Variants in FBXO38 observed in about 807,000 individuals in gnomAD.
FBXO38 encodes F-box only protein 38.
In FBXO38, 53 loss-of-function variants were observed where a neutral mutation model predicts 131.9. The ratio of observed to expected loss-of-function variants is 0.40; its 90% CI spans 0.32 to 0.51. The LOEUF (loss-of-function observed/expected upper bound fraction) is 0.51. Ranked by LOEUF, FBXO38 falls within the 20% of genes least tolerant of loss-of-function variation. The pLI is 0.53. For synonymous variants in FBXO38, 452 were observed against 505.6 expected (o/e 0.89, Z 1.42); for missense variants, 1,076 against 1,475.6 (o/e 0.73, Z 4.44).
rs754399218 is a variant in FBXO38, at chr5:148,427,832, G to T, written c.2538G>T (p.Arg846Ser). 1.2e-6 allele frequency: 2 copies of T among 1,603,776 alleles called. No individual in the cohort carries two copies. Among genetic ancestry groups the T allele is most frequent in the African/African-American group, 1.3e-5 (1 of 74,676 alleles). ...GSGSGATGED[R>S]RGSSQPESCD... Reference sequence around the variant, plus strand: ...GCTCTGGGGCTACAGGTGAGGACAGGAGGGGGAGCTCCCAGCCTGAGAGTT... The same window carrying T: ...GCTCTGGGGCTACAGGTGAGGACAGTAGGGGGAGCTCCCAGCCTGAGAGTT... The change falls in exon 15 of 22, where the codon AGG becomes AGT. Residue 846 changes from arginine to serine, a missense_variant. Transcript: ENST00000340253.
intron 7 of FBXO38, among the ~76,000 whole-genome samples, chr5:148,407,593 A>T (rs558982863): frequency 7.9e-4 from 117 of 147,198 alleles, no homozygotes; most frequent in African/African-American, 2.1e-3. Flanking sequence ...TAAAATTAAA[A>T]TTTTTTTTTT....
At chr5:148,395,390 A>C (rs535009218) in intron 2 of FBXO38, among the ~76,000 whole-genome samples, 55 of 152,266 alleles carry the variant, frequency 3.6e-4, no homozygotes, top group African/African-American at 1.3e-3. Context: ...CAGTGCATAC[A>C]TTAAAGTTGT....
At chr5:148,388,177 T>C (rs555422870) in intron 1 of FBXO38, among the ~76,000 whole-genome samples, 1 of 152,330 alleles carries the variant, frequency 6.6e-6, no homozygotes, top group East Asian at 1.9e-4. Context: ...AAGGAAACTT[T>C]TCTGAGCAGT....
chr5:148,412,988 C>T lies in FBXO38; in HGVS notation c.1094-1148C>T, dbSNP rs182470678. Among the ~76,000 whole-genome samples the T allele has an allele frequency of 1.9e-3, 284 of 152,138 alleles. 3 individuals are homozygous for T. Among genetic ancestry groups the T allele is most frequent in the Non-Finnish European group, 2.5e-3 (170 of 67,982 alleles). ...TCTCAAAAAACTAAATGCAAGACAT[C>T]GATTTGTCATGTTAGGTTACAGCAT... On this transcript the variant is annotated intron_variant, in intron 9 of 21. Coordinates refer to ENST00000340253, the MANE Select transcript of FBXO38 (RefSeq NM_205836.3).
At chr5:148,393,129 C>T (rs1044913456) in intron 1 of FBXO38, among the ~76,000 whole-genome samples, 17 of 150,518 alleles carry the variant, frequency 1.1e-4, no homozygotes, top group African/African-American at 3.4e-4. Flanking sequence ...ATATACCAGT[C>T]CACACACATT....
At chr5:148,429,864 A>C (rs1753932786) in intron 15 of FBXO38, among the ~76,000 whole-genome samples, 1 of 152,090 alleles carries the variant, frequency 6.6e-6, no homozygotes, top group South Asian at 2.1e-4. Context: ...TCTTAAGTTA[A>C]ATCATTCTCT....
At chr5:148,410,930 AT>A (rs958234278) in intron 9 of FBXO38, 165 bp downstream of exon 9, 45 of 608,716 alleles carry the variant, frequency 7.4e-5, no homozygotes, top group Non-Finnish European at 9.2e-5. Context: ...AATGTCAGTG[AT>A]TTTTTTTTCC....
intron 12 of FBXO38, among the ~76,000 whole-genome samples, chr5:148,418,712 A>C (rs1359956651): frequency 6.6e-6 from 1 of 152,214 alleles, no homozygotes; most frequent in Non-Finnish European, 1.5e-5. Flanking sequence ...AGCAGCTGCC[A>C]TTCAGAACTA....
In FBXO38 at chr5:148,415,836, G is replaced by C. The variant is rs1259864997; in HGVS notation, c.1265-92G>C. 2.3e-6 allele frequency: 3 copies of C among 1,317,836 alleles called. No homozygotes were observed. In the East Asian group the frequency reaches 7.0e-5, roughly 31 times the overall value. 81.6% of individuals were successfully genotyped at this position (1,317,836 alleles called of 1,614,324 possible). ...AAGGAAAAGTTATTTTAAAAAAAAGGATTTGAAAGTCTTTGTGACCTGTAT... is the reference window on the plus strand; with the variant it reads ...AAGGAAAAGTTATTTTAAAAAAAAGCATTTGAAAGTCTTTGTGACCTGTAT... On this transcript the variant is annotated intron_variant, in intron 10 of 21. Transcript: ENST00000340253.
chr5:148,403,965 G>A (rs928720576), intron 5 of FBXO38, among the ~76,000 whole-genome samples: 1 of 151,674 alleles, frequency 6.6e-6, no homozygotes, highest in Non-Finnish European at 1.5e-5. Flanking sequence ...TTCACCTCAC[G>A]CTACACCTCC....
chr5:148,417,143 A>C lies in FBXO38; in HGVS notation c.1557A>C (p.Ser519=). 1 of 1,613,890 alleles carries C rather than the reference A, an allele frequency of 6.2e-7. No homozygotes were observed. Among genetic ancestry groups the C allele is most frequent in the Non-Finnish European group, 8.5e-7 (1 of 1,179,818 alleles). ...HDNNHHHPDD[S]DEENDFRQDL... ...ACAATCACCATCATCCAGATGACTC[A>C]GACGAGGAGAATGACTTTCGGCAAG... is the stretch of plus-strand genomic sequence containing the variant. Residue 519 remains serine (S), a synonymous_variant, in exon 12 of 22, where the codon TCA becomes TCC. Coordinates refer to ENST00000340253, the MANE Select transcript of FBXO38 (RefSeq NM_205836.3).
intron 5 of FBXO38, among the ~76,000 whole-genome samples, chr5:148,403,967 T>C (rs1007769675): frequency 6.6e-6 from 1 of 152,200 alleles, no homozygotes; most frequent in Non-Finnish European, 1.5e-5. Flanking sequence ...CACCTCACGC[T>C]ACACCTCCCT....
At chr5:148,441,320 A>C (rs1201825812) in intron 21 of FBXO38, 83 bp downstream of exon 21, 2 of 980,830 alleles carry the variant, frequency 2.0e-6, no homozygotes, top group African/African-American at 3.2e-5. Flanking sequence ...TTTGTGAGTT[A>C]GGAGCAGTGC....
chr5:148,438,276 A>T, intron 17 of FBXO38, 56 bp from the exon 18 acceptor site: 1 of 1,525,006 alleles, frequency 6.6e-7, no homozygotes, highest in Non-Finnish European at 8.9e-7. Flanking sequence ...AACAAAAATT[A>T]GGCCATCTCT....
chr5:148,407,453 C>T (rs980395016), intron 7 of FBXO38, among the ~76,000 whole-genome samples: 2 of 152,090 alleles, frequency 1.3e-5, no homozygotes, highest in African/African-American at 2.4e-5. Context: ...CAGATGAGAA[C>T]AATTTTGAAA....
intron 15 of FBXO38, among the ~76,000 whole-genome samples, chr5:148,433,025 G>A (rs1239400309): frequency 6.6e-6 from 1 of 152,236 alleles, no homozygotes; most frequent in Admixed American, 6.5e-5. Flanking sequence ...AGTGGACAGA[G>A]CTGAAGCATA....
In FBXO38 at chr5:148,394,715, T is replaced by G. The variant is rs1482913196; in HGVS notation, c.-62T>G. On this transcript the variant is annotated splice_region_variant and 5_prime_UTR_variant, in exon 2 of 22. Transcript: ENST00000340253. ...TACTTCGTTCTGTTTGCTTTTCAGGTACTTTGAACTCAAGTAAACAAAAGG... is the reference window on the plus strand; with the variant it reads ...TACTTCGTTCTGTTTGCTTTTCAGGGACTTTGAACTCAAGTAAACAAAAGG... 11 of 1,427,636 alleles carry G rather than the reference T, an allele frequency of 7.7e-6. No individual in the cohort carries two copies. The highest frequency in any genetic ancestry group is 1.8e-6 in the Non-Finnish European group (2 of 1,084,206). 88.4% of individuals were successfully genotyped at this position (1,427,636 alleles called of 1,614,324 possible).
chr5:148,385,413 A>G (rs1757859587), intron 1 of FBXO38, among the ~76,000 whole-genome samples: 2 of 152,232 alleles, frequency 1.3e-5, no homozygotes, highest in Non-Finnish European at 2.9e-5. Flanking sequence ...AATTGGTGGT[A>G]TACTAAAATG....
Position 148,440,644 on chromosome 5 carries a change from G to A in FBXO38, c.3274+117G>A, listed in dbSNP as rs3734121. 203,198 of 593,168 alleles carry A rather than the reference G, an allele frequency of 0.34. 40,378 individuals are homozygous for A. Among genetic ancestry groups the A allele is most frequent in the African/African-American group, 0.68 (35,090 of 51,286 alleles). 36.7% of individuals were successfully genotyped at this position (593,168 alleles called of 1,614,324 possible). On this transcript the variant is annotated intron_variant, in intron 20 of 21. Coordinates refer to ENST00000340253, the MANE Select transcript of FBXO38 (RefSeq NM_205836.3). Reference sequence around the variant, plus strand: ...CACTTGAGCCCAAGAGTTCAAGACCGGCCTGGGAAACAAAACCTGGCCCTT... The same window carrying A: ...CACTTGAGCCCAAGAGTTCAAGACCAGCCTGGGAAACAAAACCTGGCCCTT...
Sources: allele counts gnomAD v4.1 joint callset (sites outside exome capture counted in the v4.1 genomes callset), GRCh38; gene constraint gnomAD v4.1.1; transcripts MANE v1.5; gene names NCBI Gene and HGNC (gene_info 2026-07-23, HGNC 2026-07-21).